The following EXOC1 variants were observed in gnomAD, a reference collection of about 807,000 sequenced individuals.
EXOC1 encodes the protein exocyst complex component 1, also known as SEC3-like 1.
EXOC1 carries 67 observed loss-of-function variants against 107.7 expected under a neutral mutation model. The ratio of observed to expected loss-of-function variants is 0.62; its 90% CI spans 0.51 to 0.76. The LOEUF (loss-of-function observed/expected upper bound fraction) is 0.76. EXOC1 is among the 30% of genes least tolerant of loss of function. The probability of loss-of-function intolerance (pLI) is 0.00; values close to 1 mark genes in which losing one functional copy is unlikely to be tolerated. For missense variants in EXOC1, 833 were observed against 1,055.7 expected (o/e 0.79, Z 2.92); for synonymous variants, 348 against 353.5 (o/e 0.98, Z 0.17).
chr4:55,861,938 C>A (rs1721513528), intron 3 of EXOC1, among the ~76,000 whole-genome samples: 1 of 152,160 alleles, frequency 6.6e-6, no homozygotes, highest in Non-Finnish European at 1.5e-5. Context: ...CCTGTAGTCC[C>A]AGCTTCTTGG....
At position 55,891,323 on chromosome 4, in the gene EXOC1, A is replaced by AC. The variant is rs1465130373; in HGVS notation, c.1549dup (p.Gln517ProfsTer5). 1 of 1,612,896 alleles carries AC rather than the reference A, an allele frequency of 6.2e-7. No homozygotes were observed. The highest frequency in any genetic ancestry group is 1.1e-5 in the South Asian group (1 of 91,040). On this transcript the variant is annotated frameshift_variant, in exon 13 of 19. Transcript: ENST00000381295. LOFTEE classifies it high-confidence loss of function. The stretch of plus-strand genomic sequence containing the variant: ...ACTTTGGTTTTCTTCAGATCTTTGA[A>AC]CAGGTACTAAGTGAACTGGAGCCCC...
intron 2 of EXOC1, among the ~76,000 whole-genome samples, chr4:55,859,097 A>G (rs1721245508): frequency 6.6e-6 from 1 of 152,102 alleles, no homozygotes; most frequent in Non-Finnish European, 1.5e-5. Flanking sequence ...TTGTCATCTT[A>G]TATGTTATTT....
chr4:55,903,453 A>T (rs1017661550), intron 18 of EXOC1, among the ~76,000 whole-genome samples: 2 of 152,198 alleles, frequency 1.3e-5, no homozygotes, highest in Admixed American at 1.3e-4. Flanking sequence ...AGCATTCTAG[A>T]AAGAAATAAT....
At chr4:55,894,699 C>T (rs1281099119) in intron 15 of EXOC1, among the ~76,000 whole-genome samples, 9 of 144,590 alleles carry the variant, frequency 6.2e-5, no homozygotes, top group African/African-American at 1.3e-4. Flanking sequence ...CTCGGCTCAC[C>T]GCAACCTCCG....
At chr4:55,876,230 T>C (rs957759912) in intron 8 of EXOC1, 3 of 985,308 alleles carry the variant, frequency 3.0e-6, no homozygotes, top group Non-Finnish European at 3.6e-6. Context: ...TTCAACACTT[T>C]AGCTCTTAGT....
At chr4:55,889,108 A>G (rs1724223660) in intron 11 of EXOC1, among the ~76,000 whole-genome samples, 176 bp downstream of exon 11, 1 of 152,230 alleles carries the variant, frequency 6.6e-6, no homozygotes, top group African/African-American at 2.4e-5. Flanking sequence ...GAAATATATG[A>G]TATAGTTAAA....
chr4:55,864,201 A>G, intron 3 of EXOC1, 26 bp from the exon 4 acceptor site: 1 of 1,387,174 alleles, frequency 7.2e-7, no homozygotes. Flanking sequence ...ATCAAAAATA[A>G]TATCTTTTGT....
intron 7 of EXOC1, 54 bp downstream of exon 7, chr4:55,871,287 T>A (rs1722416031): frequency 1.3e-6 from 2 of 1,563,622 alleles, no homozygotes; most frequent in African/African-American, 2.7e-5. Context: ...ACTAAGCCTG[T>A]AACTTGTTAT....
intron 2 of EXOC1, among the ~76,000 whole-genome samples, chr4:55,859,100 T>C (rs888131204): frequency 1.3e-5 from 2 of 152,216 alleles, no homozygotes; most frequent in Non-Finnish European, 2.9e-5. Context: ...TCATCTTATA[T>C]GTTATTTTTA....
Position 55,904,658 on chromosome 4 carries a change from A to G in EXOC1, c.*163A>G, listed in dbSNP as rs535022727. On this transcript the variant is annotated 3_prime_UTR_variant, in exon 19 of 19. Transcript: ENST00000381295. The stretch of plus-strand genomic sequence containing the variant: ...CATACTACAAATATTTAAATGCAAA[A>G]TTACCAACCTATATAGCAGTTTTAT... The G allele has an allele frequency of 6.1e-5, 37 of 606,126 alleles. No homozygotes were observed. The South Asian group carries it at 1.5e-3, about 24-fold the overall frequency. The allele number at this position is 606,126 out of a possible 1,614,324, so 37.5% of individuals were successfully genotyped here. A position where few individuals can be genotyped will look rare whatever the true frequency, so the allele number is the denominator to read the frequency against.
At chr4:55,896,316 AT>A (rs796497439) in intron 15 of EXOC1, among the ~76,000 whole-genome samples, 1 of 150,986 alleles carries the variant, frequency 6.6e-6, no homozygotes, top group Non-Finnish European at 1.5e-5. Flanking sequence ...CACCCAGCTA[AT>A]TTTTTTTTGT....
chr4:55,896,987 A>G (rs902136395), intron 16 of EXOC1, 87 bp downstream of exon 16: 3 of 1,083,168 alleles, frequency 2.8e-6, no homozygotes, highest in Non-Finnish European at 2.6e-6. Flanking sequence ...TAGGTTCATT[A>G]TTTTGTATAT....
At chr4:55,872,048 A>C in intron 8 of EXOC1, 90 bp downstream of exon 8, 1 of 1,155,562 alleles carries the variant, frequency 8.7e-7, no homozygotes, top group East Asian at 2.5e-5. Context: ...AATATGTTTA[A>C]TTGGGGTTGC....
rs558346296 is a variant in EXOC1, at chr4:55,864,401, A to G, written c.415+15A>G. 2 of 1,585,604 alleles carry G rather than the reference A, an allele frequency of 1.3e-6. No homozygotes were observed. Among genetic ancestry groups the G allele is most frequent in the South Asian group, 1.2e-5 (1 of 85,990 alleles). Reference sequence around the variant, plus strand: ...GCTTTTGGAAGGTAAAGTTAAATAAAAATGTATATGTAAAATCAATTATAT... The same window carrying G: ...GCTTTTGGAAGGTAAAGTTAAATAAGAATGTATATGTAAAATCAATTATAT... On this transcript the variant is annotated intron_variant, in intron 4 of 18. Transcript: ENST00000381295.
intron 11 of EXOC1, among the ~76,000 whole-genome samples, 153 bp downstream of exon 11, chr4:55,889,085 T>G (rs1026747713): frequency 6.6e-6 from 1 of 152,244 alleles, no homozygotes; most frequent in Non-Finnish European, 1.5e-5. Context: ...GGTAGTGATA[T>G]GGCTGTATCC....
intron 1 of EXOC1, among the ~76,000 whole-genome samples, chr4:55,855,801 G>A (rs1720910043): frequency 6.6e-6 from 1 of 152,214 alleles, no homozygotes; most frequent in African/African-American, 2.4e-5. Flanking sequence ...CAGTGCCATT[G>A]TGGCTTGGGC....
intron 15 of EXOC1, among the ~76,000 whole-genome samples, chr4:55,895,979 C>T (rs1725156396): frequency 6.6e-6 from 1 of 152,094 alleles, no homozygotes; most frequent in African/African-American, 2.4e-5. Flanking sequence ...ACCACGTGGC[C>T]ACCAACCAGA....
intron 3 of EXOC1, 58 bp downstream of exon 3, chr4:55,860,599 T>C: frequency 6.4e-7 from 1 of 1,571,650 alleles, no homozygotes; most frequent in Non-Finnish European, 8.7e-7. Flanking sequence ...TTTTATAACA[T>C]GGTATTACAT....
chr4:55,866,078 A>T (rs1418808603), intron 4 of EXOC1, among the ~76,000 whole-genome samples: 1 of 150,464 alleles, frequency 6.6e-6, no homozygotes, highest in Non-Finnish European at 1.5e-5. Flanking sequence ...AATTCCCATT[A>T]AAAAAAAATG....
Sources: allele counts gnomAD v4.1 joint callset (sites outside exome capture counted in the v4.1 genomes callset), GRCh38; gene constraint gnomAD v4.1.1; transcripts MANE v1.5; gene names NCBI Gene and HGNC (gene_info 2026-07-23, HGNC 2026-07-21).